Variants in LTBP1 observed in about 807,000 individuals in gnomAD.
LTBP1 encodes the protein latent transforming growth factor beta binding protein 1, also known as latent-transforming growth factor beta-binding protein 1.
Under a neutral mutation model 207.6 loss-of-function variants are expected in LTBP1, and 129 were observed. The observed-to-expected ratio is 0.62, with a 90% CI of 0.54 to 0.72. The LOEUF is 0.72. Ranked by LOEUF, LTBP1 falls within the 30% of genes least tolerant of loss-of-function variation. The pLI is 0.00. For missense variants in LTBP1, 2,281 were observed against 2,217.2 expected, an observed-to-expected ratio of 1.03 and a Z score of -0.58; for synonymous variants, 963 against 833.7, an observed-to-expected ratio of 1.16 and a Z score of -2.67.
At chr2:33,372,985 A>C (rs2095088674) in intron 31 of LTBP1, among the ~76,000 whole-genome samples, 2 of 152,230 alleles carry the variant, frequency 1.3e-5, no homozygotes, top group Admixed American at 6.5e-5. Context: ...AATTATACAT[A>C]TTTGAACATT....
Position 33,301,586 on chromosome 2 carries a change from T to G in LTBP1, c.3423T>G (p.Ser1141=), listed in dbSNP as rs1323676134. The G allele has an allele frequency of 5.6e-6, 9 of 1,613,250 alleles. No individual in the cohort carries two copies. The highest frequency in any genetic ancestry group is 7.6e-6 in the Non-Finnish European group (9 of 1,179,644). ...AHGQCRNTEG[S]FQCVCDQGYR... Reference sequence around the variant, plus strand: ...GGCAGTGCAGGAACACTGAGGGCTCTTTTCAATGTGTGTGTGACCAGGGTT... The same window carrying G: ...GGCAGTGCAGGAACACTGAGGGCTCGTTTCAATGTGTGTGTGACCAGGGTT... The change falls in exon 22 of 34, where the codon TCT becomes TCG. Residue 1141 remains serine (S), a synonymous_variant. Transcript: ENST00000404816.
intron 3 of LTBP1, among the ~76,000 whole-genome samples, chr2:33,044,039 T>A (rs1376626921): frequency 1.7e-5 from 2 of 116,522 alleles, no homozygotes; most frequent in East Asian, 2.0e-4. Flanking sequence ...TTTCTGTTCG[T>A]TTTTTTTTTT....
At chr2:33,221,792 G>A (rs2091125294) in intron 8 of LTBP1, among the ~76,000 whole-genome samples, 1 of 152,126 alleles carries the variant, frequency 6.6e-6, no homozygotes, top group Non-Finnish European at 1.5e-5. Context: ...CTTTGTGATG[G>A]AAATATGTAA....
intron 2 of LTBP1, among the ~76,000 whole-genome samples, chr2:32,990,923 C>T (rs1684308939): frequency 6.6e-6 from 1 of 152,112 alleles, no homozygotes; most frequent in Non-Finnish European, 1.5e-5. Context: ...AAGCATGTGG[C>T]ATTGGCTCTC....
chr2:33,168,354 C>T (rs1051317676), intron 5 of LTBP1, among the ~76,000 whole-genome samples: 1 of 146,044 alleles, frequency 6.8e-6, no homozygotes, highest in African/African-American at 2.5e-5. Context: ...CCACTGCACT[C>T]TAGCCTGAGG....
intron 31 of LTBP1, among the ~76,000 whole-genome samples, chr2:33,375,586 G>GGT (rs1236832427): frequency 1.3e-5 from 2 of 151,912 alleles, no homozygotes; most frequent in Non-Finnish European, 2.9e-5. Flanking sequence ...GGAGTGCAGT[G>GGT]GCACGATCTC....
At chr2:33,386,867 A>C (rs929734443) in intron 31 of LTBP1, among the ~76,000 whole-genome samples, 1 of 127,006 alleles carries the variant, frequency 7.9e-6, no homozygotes, top group African/African-American at 3.1e-5. Context: ...GTCTCGCTCT[A>C]TCACCCAGGC....
intron 7 of LTBP1, among the ~76,000 whole-genome samples, chr2:33,207,678 G>A (rs1398838041): frequency 6.6e-6 from 1 of 152,106 alleles, no homozygotes; most frequent in Non-Finnish European, 1.5e-5. Flanking sequence ...TTATAACAAC[G>A]ACCCTTAGAA....
intron 31 of LTBP1, among the ~76,000 whole-genome samples, chr2:33,386,638 A>G (rs1423171314): frequency 6.6e-6 from 1 of 152,206 alleles, no homozygotes; most frequent in South Asian, 2.1e-4. Flanking sequence ...AGCTTGGGCA[A>G]CATTGTGAGA....
At chr2:32,971,005 TGTGTGTG>T (rs1680777957) in intron 2 of LTBP1, among the ~76,000 whole-genome samples, 1 of 11,312 alleles carries the variant, frequency 8.8e-5, no homozygotes, top group African/African-American at 1.3e-4. Context: ...TAGGTATTTG[TGTGTGTG>T]TGTGTGTGTG....
In LTBP1 at chr2:33,363,531, G is replaced by C. The variant is rs375241465; in HGVS notation, c.4399+13G>C. 36 of 1,613,188 alleles carry C rather than the reference G, an allele frequency of 2.2e-5. No homozygotes were observed. The African/African-American group carries it at 4.7e-4, about 21-fold the overall frequency. The stretch of plus-strand genomic sequence containing the variant: ...CTGCAGTGCTTTGGTAAGCTTTAGG[G>C]GGATATAGTATGGTGTACTGTGAAA... On this transcript the variant is annotated intron_variant, in intron 29 of 33. Coordinates refer to ENST00000404816, the MANE Select transcript of LTBP1 (RefSeq NM_206943.4).
intron 3 of LTBP1, among the ~76,000 whole-genome samples, chr2:33,070,835 A>G (rs547191569): frequency 9.9e-4 from 151 of 152,306 alleles, no homozygotes; most frequent in Admixed American, 2.4e-3. Context: ...ACACCTGTTT[A>G]GTAGTCAGGG....
chr2:33,036,964 G>A (rs192911343), intron 3 of LTBP1, among the ~76,000 whole-genome samples: 15 of 152,242 alleles, frequency 9.9e-5, no homozygotes, highest in Admixed American at 8.5e-4. Flanking sequence ...CTTGTCCAGA[G>A]TAGTTACATT....
Position 33,309,462 on chromosome 2 carries a change from T to C in LTBP1, c.3510T>C (p.Ser1170=), listed in dbSNP as rs755146136. 4 of 1,608,272 alleles carry C rather than the reference T, an allele frequency of 2.5e-6. No individual in the cohort carries two copies. Among genetic ancestry groups the C allele is most frequent in the East Asian group, 2.2e-5 (1 of 44,572 alleles). The change falls in exon 23 of 34, where the codon AGT becomes AGC. Residue 1170 remains serine, a synonymous_variant. Coordinates refer to ENST00000404816, the MANE Select transcript of LTBP1 (RefSeq NM_206943.4). ...TCAATGAATGCTTGGAGGACAAGAGTGTTTGCCAGAGAGGAGACTGCATTA... is the reference window on the plus strand; with the variant it reads ...TCAATGAATGCTTGGAGGACAAGAGCGTTTGCCAGAGAGGAGACTGCATTA... The part of the protein sequence containing the change: ...EDINECLEDK[S]VCQRGDCINT...
intron 21 of LTBP1, 22 bp from the exon 22 acceptor site, chr2:33,301,500 C>T: frequency 6.4e-7 from 1 of 1,559,148 alleles, no homozygotes; most frequent in South Asian, 1.2e-5. Flanking sequence ...TCCACAGTTT[C>T]TTTGTATTCT....
intron 5 of LTBP1, among the ~76,000 whole-genome samples, chr2:33,157,912 C>T (rs890694516): frequency 6.6e-6 from 1 of 152,092 alleles, no homozygotes; most frequent in Non-Finnish European, 1.5e-5. Context: ...GAAGCCAAGG[C>T]ATGTGGATCA....
At position 33,036,943 on chromosome 2, in the gene LTBP1, CT is replaced by C. The variant is rs534086552; in HGVS notation, c.863+15739del. ...CTTACAGTGAACTCGTCAAAAAATG[CT>C]TAAAAGCCTCTTGTCCAGAGTAGTT... On this transcript the variant is annotated intron_variant, in intron 3 of 33. Coordinates refer to ENST00000404816, the MANE Select transcript of LTBP1 (RefSeq NM_206943.4). Among the ~76,000 whole-genome samples the C allele has an allele frequency of 1.4e-4, 21 of 149,886 alleles. No individual in the cohort carries two copies. In the South Asian group the frequency reaches 3.8e-3, roughly 27 times the overall value.
At position 33,222,095 on chromosome 2, in the gene LTBP1, A is replaced by C. The variant is rs1164986624; in HGVS notation, c.1820A>C (p.Asn607Thr). 4 of 1,612,628 alleles carry C rather than the reference A, an allele frequency of 2.5e-6. No homozygotes were observed. Among genetic ancestry groups the C allele is most frequent in the Non-Finnish European group, 2.5e-6 (3 of 1,178,712 alleles). Residue 607 changes from asparagine (N) to threonine (T), a missense_variant, in exon 9 of 34, where the codon AAC (asparagine) becomes ACC (threonine). Transcript: ENST00000404816. The part of the protein sequence containing the change: ...CPKKPSYHGY[N>T]QMMECLPGYK... The stretch of plus-strand genomic sequence containing the variant: ...TCCCTTACAGCTTATCATGGATACA[A>C]CCAAATGATGGAATGCCTACCGGGT...
At chr2:32,958,688 A>G (rs1168662832) in intron 2 of LTBP1, among the ~76,000 whole-genome samples, 1 of 152,142 alleles carries the variant, frequency 6.6e-6, no homozygotes, top group Non-Finnish European at 1.5e-5. Flanking sequence ...CTATAGAAAG[A>G]ATTCTTTTTC....
Sources: gnomAD v4.1 joint callset for allele counts (sites outside exome capture counted in the v4.1 genomes callset) on GRCh38, gnomAD v4.1.1 for gene constraint, MANE v1.5 for transcripts, NCBI Gene and HGNC (gene_info 2026-07-23, HGNC 2026-07-21) for gene names.